Variants in AHDC1 observed in about 807,000 individuals in gnomAD.
The protein encoded by AHDC1 is transcription factor Gibbin.
A neutral mutation model predicts 87.9 loss-of-function variants in AHDC1; 7 were observed. The observed-to-expected ratio is 0.08, with a 90% CI of 0.05 to 0.15. The LOEUF (loss-of-function observed/expected upper bound fraction) is 0.15, where lower values mean the gene tolerates loss of function less well. AHDC1 is among the 10% of genes least tolerant of loss of function. The probability of loss-of-function intolerance (pLI) is 1.00; values close to 1 mark genes in which losing one functional copy is unlikely to be tolerated. For missense variants in AHDC1, 1,841 were observed against 2,253.2 expected (o/e 0.82, Z 3.70); for synonymous variants, 1,051 against 1,006.8 (o/e 1.04, Z -0.83).
rs1360948267 is a variant in AHDC1, at chr1:27,548,941, G to A, written c.3175C>T (p.Arg1059Trp). 2.5e-6 allele frequency: 4 copies of A among 1,587,192 alleles called. No individual in the cohort carries two copies. The highest frequency in any genetic ancestry group is 1.3e-5 in the African/African-American group (1 of 74,522). The change falls in exon 8 of 9, where the codon CGG (arginine) becomes TGG (tryptophan). Residue 1059 changes from arginine to tryptophan, a missense_variant. Arg to Trp is a moderately radical substitution (Grantham distance 101). This residue lies in a region of AHDC1 where 378 missense variants were observed against 399.0 expected (regional missense o/e 0.95). Transcript: ENST00000673934. Reference sequence around the variant, plus strand: ...CCACCGGGCGAGACTGTGCTGGCCCGGCTGTCACAGCGCAGGGGCGTGGGG... The same window carrying A: ...CCACCGGGCGAGACTGTGCTGGCCCAGCTGTCACAGCGCAGGGGCGTGGGG... ...SAPTPLRCDSRASTVSPGGYM... is the reference protein window; with the variant it reads ...SAPTPLRCDSWASTVSPGGYM...
At chr1:27,542,070 A>T (rs1361441061) in intron 8 of AHDC1, among the ~76,000 whole-genome samples, 1 of 152,268 alleles carries the variant, frequency 6.6e-6, no homozygotes, top group Non-Finnish European at 1.5e-5. Context: ...GTGAACACAG[A>T]ATTTATCTAC....
chr1:27,597,781 C>T (rs2089417765), intron 3 of AHDC1, among the ~76,000 whole-genome samples: 1 of 152,126 alleles, frequency 6.6e-6, no homozygotes, highest in African/African-American at 2.4e-5. Flanking sequence ...CTCCCTCCCT[C>T]TCTCTGTCTG....
rs761521190 is a variant in AHDC1 at position 27,551,773 on chromosome 1, G to A, written c.343C>T (p.Arg115Trp). Residue 115 changes from arginine (R) to tryptophan (W), a missense_variant, in exon 8 of 9, where the codon CGG becomes TGG. Physicochemically the swap from Arg to Trp is moderately radical, Grantham distance 101 (BLOSUM62 -3). This residue lies in a region of AHDC1 where 50 missense variants were observed against 104.3 expected (regional missense o/e 0.48). Transcript: ENST00000673934. Reference protein sequence around the residue: ...SSSRRCWDNGRVNLRPVVQLI... With the variant: ...SSSRRCWDNGWVNLRPVVQLI... Reference sequence around the variant, plus strand: ...TGCACCACTGGTCGCAGGTTCACCCGCCCGTTGTCCCAGCAGCGTCGGGAG... The same window carrying A: ...TGCACCACTGGTCGCAGGTTCACCCACCCGTTGTCCCAGCAGCGTCGGGAG... 1.9e-6 allele frequency: 3 copies of A among 1,613,406 alleles called. No homozygotes were observed. Among genetic ancestry groups the A allele is most frequent in the Non-Finnish European group, 1.7e-6 (2 of 1,179,920 alleles).
chr1:27,546,789 T>C (rs1178961325), intron 8 of AHDC1, among the ~76,000 whole-genome samples: 1 of 152,072 alleles, frequency 6.6e-6, no homozygotes, highest in Non-Finnish European at 1.5e-5. Flanking sequence ...CCCAGGGAAA[T>C]GGGGGTGCCA....
chr1:27,547,776 C>T lies in AHDC1; in HGVS notation c.4340G>A (p.Arg1447Gln), dbSNP rs541534365. ...AAAAQAHLSC[R>Q]DLPLGQPHYD... is the part of the protein sequence containing the mutation. ...GTGGGGCTGGCCCAGCGGCAGGTCC[C>T]GGCAGCTCAGGTGGGCCTGGGCTGC... is the stretch of plus-strand genomic sequence containing the variant. The change falls in exon 8 of 9, where the codon CGG becomes CAG. Residue 1447 changes from arginine (R) to glutamine (Q), a missense_variant. Coordinates refer to ENST00000673934, the MANE Select transcript of AHDC1 (RefSeq NM_001371928.1). The surrounding 1 kb of genome is among the most constrained non-coding windows in gnomAD (Gnocchi z 4.9). 15 of 1,581,686 alleles carry T rather than the reference C, an allele frequency of 9.5e-6. No homozygotes were observed. The highest frequency in any genetic ancestry group is 2.3e-5 in the South Asian group (2 of 87,154).
Position 27,562,720 on chromosome 1 carries a change from G to C in AHDC1, c.-628-3837C>G, listed in dbSNP as rs2020147820. Among the ~76,000 whole-genome samples the C allele has an allele frequency of 6.6e-6, 1 of 152,150 alleles. No homozygotes were observed. Among genetic ancestry groups the C allele is most frequent in the Non-Finnish European group, 1.5e-5 (1 of 68,026 alleles). ...CCAGCCCTTTGGGGCTCTGTGGTCT[G>C]CATGGGAAGGCCCCACCAGCTGCCA... On this transcript the variant is annotated intron_variant, in intron 3 of 8. Transcript: ENST00000673934. The surrounding 1 kb of genome is among the most constrained non-coding windows in gnomAD (Gnocchi z 4.4).
At chr1:27,597,354 T>TGA (rs2089404181) in intron 3 of AHDC1, among the ~76,000 whole-genome samples, 1 of 149,610 alleles carries the variant, frequency 6.7e-6, no homozygotes, top group African/African-American at 2.5e-5. Context: ...TGTGTGTGTG[T>TGA]GACAGTGTGA....
In AHDC1 at chr1:27,550,145, G is replaced by T; in HGVS notation, c.1971C>A (p.His657Gln). ...GGAAGCCCTGCACACGATGCAGGAAGTGGGAGATGCTCTGGGTGTCGGGGG... is the reference window on the plus strand; with the variant it reads ...GGAAGCCCTGCACACGATGCAGGAATTGGGAGATGCTCTGGGTGTCGGGGG... Reference protein sequence around the residue: ...HQAPDTQSISHFLHRVQGFRR... With the variant: ...HQAPDTQSISQFLHRVQGFRR... The change falls in exon 8 of 9, where the codon CAC becomes CAA. Residue 657 changes from histidine to glutamine, a missense_variant. This residue lies in a region of AHDC1 where 236 missense variants were observed against 257.9 expected (regional missense o/e 0.92). Coordinates refer to ENST00000673934, the MANE Select transcript of AHDC1 (RefSeq NM_001371928.1). 6.2e-7 allele frequency: 1 copy of T among 1,611,024 alleles called. No individual in the cohort carries two copies. The highest frequency in any genetic ancestry group is 8.5e-7 in the Non-Finnish European group (1 of 1,179,914).
At position 27,565,396 on chromosome 1, in the gene AHDC1, G is replaced by A. The variant is rs185056994; in HGVS notation, c.-628-6513C>T. ...CTCCAAGCTCATTCCATGAAGAGGG[G>A]CGAGAGAGGAAGGACAGAGGCCACT... On this transcript the variant is annotated intron_variant, in intron 3 of 8. Coordinates refer to ENST00000673934, the MANE Select transcript of AHDC1 (RefSeq NM_001371928.1). This position sits in a 1 kb window ranked among gnomAD's most constrained non-coding sequence, Gnocchi z 4.6. Among the ~76,000 whole-genome samples, 1 of 152,296 alleles carries A rather than the reference G, an allele frequency of 6.6e-6. No individual in the cohort carries two copies. The highest frequency in any genetic ancestry group is 2.4e-5 in the African/African-American group (1 of 41,566).
At chr1:27,585,074 C>A (rs1034982457) in intron 3 of AHDC1, among the ~76,000 whole-genome samples, 1 of 151,646 alleles carries the variant, frequency 6.6e-6, no homozygotes, top group Non-Finnish European at 1.5e-5. Flanking sequence ...TTGGTCTGGG[C>A]GACATGGCAA....
chr1:27,568,640 T>C (rs942105842), intron 3 of AHDC1, among the ~76,000 whole-genome samples: 2 of 151,612 alleles, frequency 1.3e-5, no homozygotes, highest in African/African-American at 4.8e-5. Flanking sequence ...CCTGGAGTGA[T>C]GTCGCTAGGG....
In AHDC1 at chr1:27,565,688, C is replaced by T. The variant is rs1268409291; in HGVS notation, c.-628-6805G>A. Among the ~76,000 whole-genome samples, 1 of 152,186 alleles carries T rather than the reference C, an allele frequency of 6.6e-6. No individual in the cohort carries two copies. Among genetic ancestry groups the T allele is most frequent in the African/African-American group, 2.4e-5 (1 of 41,430 alleles). On this transcript the variant is annotated intron_variant, in intron 3 of 8. Coordinates refer to ENST00000673934, the MANE Select transcript of AHDC1 (RefSeq NM_001371928.1). The surrounding 1 kb of genome is among the most constrained non-coding windows in gnomAD (Gnocchi z 4.6). The stretch of plus-strand genomic sequence containing the variant: ...ATGAAGCAAGGATAGTATCCCTATA[C>T]CATCTGGGGAAACTGAGGCACAGTC...
At position 27,587,647 on chromosome 1, in the gene AHDC1, A is replaced by G. The variant is rs144848193; in HGVS notation, c.-629+15750T>C. ...CAGGTGAGCTTTCTGTAGACTAAGA[A>G]AAGAGTCTGGGCCCCAGCAGCTGGC... On this transcript the variant is annotated intron_variant, in intron 3 of 8. Coordinates refer to ENST00000673934, the MANE Select transcript of AHDC1 (RefSeq NM_001371928.1). Among the ~76,000 whole-genome samples, 160 of 152,304 alleles carry G rather than the reference A, an allele frequency of 1.1e-3. 1 individual carries two copies. The highest frequency in any genetic ancestry group is 3.6e-3 in the African/African-American group (149 of 41,560).
At chr1:27,538,564 G>T (rs1160386378) in intron 8 of AHDC1, among the ~76,000 whole-genome samples, 4 of 151,104 alleles carry the variant, frequency 2.6e-5, no homozygotes, top group African/African-American at 9.7e-5. Context: ...ACCCAGGCTA[G>T]AGTGCAGTGG....
At chr1:27,586,607 C>T (rs1322585494) in intron 3 of AHDC1, among the ~76,000 whole-genome samples, 2 of 152,196 alleles carry the variant, frequency 1.3e-5, no homozygotes, top group African/African-American at 4.8e-5. Context: ...GCCCTTGAAG[C>T]CAGGATCCAG....
At chr1:27,570,312 C>G (rs1377522582) in intron 3 of AHDC1, among the ~76,000 whole-genome samples, 1 of 151,994 alleles carries the variant, frequency 6.6e-6, no homozygotes, top group East Asian at 1.9e-4. Context: ...GCTTCCCACA[C>G]CCCTCCAGAC....
At chr1:27,557,264 G>A (rs1240706117) in intron 5 of AHDC1, among the ~76,000 whole-genome samples, 78 of 135,600 alleles carry the variant, frequency 5.8e-4, no homozygotes, top group Non-Finnish European at 1.3e-4. Flanking sequence ...GCCCTGCTCC[G>A]CCCCCCTCCC....
chr1:27,550,277 T>G lies in AHDC1; in HGVS notation c.1839A>C (p.Ser613=). ...GGAAGGCCAGCTTGGCCAGGACGTC[T>G]GAGTACTCGGCCTTGCTGTCGTTGG... ...ADANDSKAEY[S]DVLAKLAFLN... is the part of the protein sequence containing the mutation. Residue 613 remains serine (S), a synonymous_variant, in exon 8 of 9, where the codon TCA becomes TCC. Transcript: ENST00000673934. 6.2e-6 allele frequency: 10 copies of G among 1,614,002 alleles called. No homozygotes were observed. Among genetic ancestry groups the G allele is most frequent in the Non-Finnish European group, 7.6e-6 (9 of 1,179,966 alleles).
At position 27,551,489 on chromosome 1, in the gene AHDC1, C is replaced by G. The variant is rs1318467688; in HGVS notation, c.627G>C (p.Gln209His). The change falls in exon 8 of 9, where the codon CAG becomes CAC. Residue 209 changes from glutamine (Q) to histidine (H), a missense_variant. Physicochemically the swap from Gln to His is conservative, Grantham distance 24. Around this residue, in one of 13 missense-constraint regions of AHDC1, gnomAD observed 370 missense variants for 391.5 expected, o/e 0.95. Coordinates refer to ENST00000673934, the MANE Select transcript of AHDC1 (RefSeq NM_001371928.1). ...EPEPEPRDSPQPGQGHSPGAT... is the reference protein window; with the variant it reads ...EPEPEPRDSPHPGQGHSPGAT... Reference sequence around the variant, plus strand: ...CTCCGGGACTATGGCCTTGGCCAGGCTGGGGACTGTCCCTAGGCTCAGGCT... The same window carrying G: ...CTCCGGGACTATGGCCTTGGCCAGGGTGGGGACTGTCCCTAGGCTCAGGCT... 1.2e-6 allele frequency: 2 copies of G among 1,607,392 alleles called. No homozygotes were observed. Among genetic ancestry groups the G allele is most frequent in the East Asian group, 4.5e-5 (2 of 44,798 alleles).
Sources: allele counts gnomAD v4.1 joint callset (sites outside exome capture counted in the v4.1 genomes callset), GRCh38; gene constraint gnomAD v4.1.1; regional missense constraint gnomAD v4.1.1; non-coding constraint Gnocchi (gnomAD v3.1); transcripts MANE v1.5; gene names NCBI Gene and HGNC (gene_info 2026-07-23, HGNC 2026-07-21).